The following PDE4D variants were observed in gnomAD, a reference collection of about 807,000 sequenced individuals.
PDE4D encodes phosphodiesterase 4D.
In PDE4D, 24 loss-of-function variants were observed where a neutral mutation model predicts 87.4. The ratio of observed to expected loss-of-function variants is 0.27; its 90% CI spans 0.20 to 0.39. PDE4D has a LOEUF of 0.39. PDE4D is among the 10% of genes least tolerant of loss of function. PDE4D has a pLI of 1.00. For synonymous variants in PDE4D, 384 were observed against 383.2 expected, an observed-to-expected ratio of 1.00 and a Z score of -0.02; for missense variants, 714 against 1,041.0, an observed-to-expected ratio of 0.69 and a Z score of 4.32.
chr5:59,180,733 C>A, intron 4 of PDE4D, 89 bp from the exon 5 acceptor site: 1 of 1,216,128 alleles, frequency 8.2e-7, no homozygotes, highest in Non-Finnish European at 1.2e-6. Flanking sequence ...TAGCATTTTA[C>A]TTTAAAGAAT....
chr5:59,061,076 C>T (rs1426545638), intron 5 of PDE4D, among the ~76,000 whole-genome samples: 1 of 152,050 alleles, frequency 6.6e-6, no homozygotes. Context: ...TTGAATGATA[C>T]AAATGTTCAT....
intron 1 of PDE4D, among the ~76,000 whole-genome samples, chr5:59,852,634 T>C (rs1744850025): frequency 6.6e-6 from 1 of 152,080 alleles, no homozygotes; most frequent in African/African-American, 2.4e-5. Flanking sequence ...GCTAAGTTTC[T>C]CTTAAATTAC....
At position 59,520,313 on chromosome 5, in the gene PDE4D, G is replaced by C. The variant is rs549176486; in HGVS notation, c.456-304345C>G. Among the ~76,000 whole-genome samples, 3 of 152,242 alleles carry C rather than the reference G, an allele frequency of 2.0e-5. No homozygotes were observed. The East Asian group carries it at 5.8e-4, about 29-fold the overall frequency. On this transcript the variant is annotated intron_variant, in intron 1 of 14. Transcript: ENST00000340635. Reference sequence around the variant, plus strand: ...TGAGACCATTTATGGGGATGGGGCTGTTCTCCCTGCCCCAAATTTGTTGTC... The same window carrying C: ...TGAGACCATTTATGGGGATGGGGCTCTTCTCCCTGCCCCAAATTTGTTGTC...
intron 2 of PDE4D, among the ~76,000 whole-genome samples, chr5:60,175,141 T>C (rs2149489102): frequency 6.6e-6 from 1 of 152,220 alleles, no homozygotes; most frequent in East Asian, 1.9e-4. Context: ...CACTCTTTTT[T>C]CTGTTTGGGT....
intron 1 of PDE4D, among the ~76,000 whole-genome samples, chr5:59,697,119 A>T (rs1158852164): frequency 6.6e-6 from 1 of 152,162 alleles, no homozygotes; most frequent in Non-Finnish European, 1.5e-5. Flanking sequence ...CCTGATGGGG[A>T]GTAATTTGGG....
At chr5:59,376,686 T>C (rs2153600701) in intron 1 of PDE4D, among the ~76,000 whole-genome samples, 1 of 152,224 alleles carries the variant, frequency 6.6e-6, no homozygotes, top group African/African-American at 2.4e-5. Flanking sequence ...AAAAACTATT[T>C]TAAAATTCAT....
chr5:59,838,231 C>A (rs1217738021), intron 1 of PDE4D, among the ~76,000 whole-genome samples: 1 of 152,040 alleles, frequency 6.6e-6, no homozygotes. Flanking sequence ...CCCAAGGCAT[C>A]CCCACCTCCA....
intron 3 of PDE4D, among the ~76,000 whole-genome samples, chr5:59,923,265 C>G (rs1754875653): frequency 6.6e-6 from 1 of 152,186 alleles, no homozygotes; most frequent in Non-Finnish European, 1.5e-5. Flanking sequence ...CTGGATTCTC[C>G]TAGGGCAAAG....
chr5:60,418,405 G>A lies in PDE4D; in HGVS notation c.-90+69537C>T, dbSNP rs377137508. The stretch of plus-strand genomic sequence containing the variant: ...TAAAATGGATATTATCAGCTGATTC[G>A]TGCCCTGGAATATTAGGAAAATCAA... On this transcript the variant is annotated intron_variant, in intron 1 of 16. Transcript: ENST00000502484. 7.4e-4 allele frequency among the ~76,000 whole-genome samples: 113 copies of A among 152,134 alleles called. 1 individual carries two copies. In the South Asian group the frequency reaches 0.011, roughly 15 times the overall value.
chr5:60,076,216 T>A (rs1773278562), intron 2 of PDE4D, among the ~76,000 whole-genome samples: 1 of 151,936 alleles, frequency 6.6e-6, no homozygotes, highest in African/African-American at 2.4e-5. Flanking sequence ...TGGAGTGCAG[T>A]GGTGCAGTCT....
intron 2 of PDE4D, among the ~76,000 whole-genome samples, chr5:60,109,421 A>C (rs1777428123): frequency 6.6e-6 from 1 of 151,276 alleles, no homozygotes; most frequent in Non-Finnish European, 1.5e-5. Flanking sequence ...TGGGACTGTA[A>C]ACTAGTTCAA....
chr5:59,778,705 G>C (rs941449674), intron 1 of PDE4D, among the ~76,000 whole-genome samples: 8 of 152,180 alleles, frequency 5.3e-5, no homozygotes, highest in African/African-American at 7.2e-5. Flanking sequence ...TGGGAATATA[G>C]TAAGTGTTCA....
At chr5:59,256,234 T>C (rs1760938243) in intron 1 of PDE4D, among the ~76,000 whole-genome samples, 1 of 152,044 alleles carries the variant, frequency 6.6e-6, no homozygotes, top group African/African-American at 2.4e-5. Context: ...AAAACAGGAT[T>C]TCCCCATTCT....
In PDE4D at chr5:59,180,487, T is replaced by C. The variant is rs188691160; in HGVS notation, c.808+108A>G. 3.3e-3 allele frequency: 2,858 copies of C among 867,022 alleles called. 5 individuals are homozygous for C. Among genetic ancestry groups the C allele is most frequent in the Non-Finnish European group, 4.1e-3 (2,123 of 522,768 alleles). The allele number at this position is 867,022 out of a possible 1,614,324, so 53.7% of individuals were successfully genotyped here. A position where few individuals can be genotyped will look rare whatever the true frequency, so the allele number is the denominator to read the frequency against. On this transcript the variant is annotated intron_variant, in intron 5 of 14. Transcript: ENST00000340635. ...ATAATGTAGAGAAGAAAGAATTTCT[T>C]TAACATTTTCAAATTGCAGCATGAA...
At chr5:60,222,569 C>T (rs1485670636) in intron 1 of PDE4D, among the ~76,000 whole-genome samples, 1 of 152,210 alleles carries the variant, frequency 6.6e-6, no homozygotes, top group East Asian at 1.9e-4. Flanking sequence ...GGATACTGAA[C>T]GTTTTCCGAG....
chr5:59,587,167 A>T (rs201396185), intron 1 of PDE4D: 1 of 249,280 alleles, frequency 4.0e-6, no homozygotes, highest in Non-Finnish European at 6.4e-6. Context: ...TGTTCTCTTT[A>T]AGTAAAATGA....
intron 6 of PDE4D, among the ~76,000 whole-genome samples, chr5:59,032,860 T>C (rs1303664888): frequency 6.6e-6 from 1 of 152,164 alleles, no homozygotes; most frequent in African/African-American, 2.4e-5. Context: ...TATCGCCACT[T>C]ATAAATGAAA....
At chr5:60,218,880 C>A (rs528134016) in intron 1 of PDE4D, among the ~76,000 whole-genome samples, 1 of 152,200 alleles carries the variant, frequency 6.6e-6, no homozygotes, top group African/African-American at 2.4e-5. Flanking sequence ...TCTCTATGAA[C>A]CATGTATACT....
chr5:59,527,309 C>CT (rs1813341556), intron 1 of PDE4D, among the ~76,000 whole-genome samples: 1 of 151,976 alleles, frequency 6.6e-6, no homozygotes, highest in Non-Finnish European at 1.5e-5. Flanking sequence ...TTATAAGATC[C>CT]TTTTTTAACC....
Sources: gnomAD v4.1 joint callset for allele counts (sites outside exome capture counted in the v4.1 genomes callset) on GRCh38, gnomAD v4.1.1 for gene constraint, MANE v1.5 for transcripts, NCBI Gene and HGNC (gene_info 2026-07-23, HGNC 2026-07-21) for gene names.